ARHGAP17: variants seen among roughly 807,000 people sequenced by gnomAD.
ARHGAP17 encodes Rho GTPase activating protein 17, also known as rho GTPase-activating protein 17.
ARHGAP17 carries 57 observed loss-of-function variants against 99.5 expected under a neutral mutation model. The observed-to-expected ratio is 0.57, with a 90% confidence interval of 0.46 to 0.71. ARHGAP17 has a LOEUF of 0.71. Ranked by LOEUF, ARHGAP17 falls within the 30% of genes least tolerant of loss-of-function variation. The probability of loss-of-function intolerance (pLI) is 0.00; values close to 1 mark genes in which losing one functional copy is unlikely to be tolerated. For synonymous variants in ARHGAP17, 417 were observed against 429.6 expected (o/e 0.97, Z 0.36); for missense variants, 1,000 against 1,122.4 (o/e 0.89, Z 1.56).
intron 1 of ARHGAP17, among the ~76,000 whole-genome samples, chr16:24,983,733 T>C (rs2052772422): frequency 6.6e-6 from 1 of 152,240 alleles, no homozygotes. Context: ...TGTCTGCAAC[T>C]GGAAAAACAA....
At chr16:24,973,882 G>C (rs1393263965) in intron 3 of ARHGAP17, among the ~76,000 whole-genome samples, 1 of 152,234 alleles carries the variant, frequency 6.6e-6, no homozygotes, top group African/African-American at 2.4e-5. Flanking sequence ...ACAGGAACTA[G>C]ATAGAACTGT....
intron 16 of ARHGAP17, among the ~76,000 whole-genome samples, chr16:24,940,518 C>T (rs762753745): frequency 1.3e-4 from 20 of 152,126 alleles, no homozygotes; most frequent in Non-Finnish European, 2.6e-4. Flanking sequence ...CATCGTGAGG[C>T]CCTGTCTCTA....
intron 17 of ARHGAP17, among the ~76,000 whole-genome samples, chr16:24,938,213 A>C (rs2051195125): frequency 6.6e-6 from 1 of 152,104 alleles, no homozygotes; most frequent in Non-Finnish European, 1.5e-5. Context: ...AATACAAAAA[A>C]ATTAGCCTGG....
chr16:25,015,227 G>A lies in ARHGAP17; in HGVS notation c.35C>T (p.Ala12Val). The A allele has an allele frequency of 7.4e-7, 1 of 1,360,318 alleles. No individual in the cohort carries two copies. The allele number at this position is 1,360,318 out of a possible 1,614,324, so 84.3% of individuals were successfully genotyped here. ...KKQFNRMKQL[A>V]NQTVGRAEKT... is the part of the protein sequence containing the mutation. ...CACTCGCCTGCCCACGGTCTGGTTA[G>A]CCAGCTGCTTCATGCGGTTGAACTG... Residue 12 changes from alanine to valine, a missense_variant, in exon 1 of 20, where the codon GCT becomes GTT. Ala to Val is a moderately conservative substitution (Grantham distance 64). This residue lies in a region of ARHGAP17 where 472 missense variants were observed against 611.1 expected (regional missense o/e 0.77). Transcript: ENST00000289968.
rs545826557 is a variant in ARHGAP17 at position 24,988,789 on chromosome 16, G to A, written c.54-9784C>T. Among the ~76,000 whole-genome samples the A allele has an allele frequency of 6.6e-5, 10 of 152,220 alleles. No homozygotes were observed. The South Asian group carries it at 1.0e-3, about 16-fold the overall frequency. On this transcript the variant is annotated intron_variant, in intron 1 of 19. Transcript: ENST00000289968. Reference sequence around the variant, plus strand: ...TGGCCTGTCTCAAAGCTCCACCACCGATTCTTGCTTATAGCAAAATCTGAA... The same window carrying A: ...TGGCCTGTCTCAAAGCTCCACCACCAATTCTTGCTTATAGCAAAATCTGAA...
At chr16:25,006,918 G>T (rs749029754) in intron 1 of ARHGAP17, among the ~76,000 whole-genome samples, 117 of 152,194 alleles carry the variant, frequency 7.7e-4, no homozygotes, top group Non-Finnish European at 1.3e-3. Flanking sequence ...GCATAAAACT[G>T]TCACCATGAG....
chr16:25,005,085 T>C (rs1348786290), intron 1 of ARHGAP17, among the ~76,000 whole-genome samples: 1 of 152,146 alleles, frequency 6.6e-6, no homozygotes, highest in Non-Finnish European at 1.5e-5. Flanking sequence ...CCAGCTAATT[T>C]TCGTATTTTT....
chr16:24,939,583 A>T lies in ARHGAP17; in HGVS notation c.1505T>A (p.Leu502His). ...CCGCCGGTGGGCCTGGAAGTCCATAAGCTTCACACCAAAGCTACACAGAGA... is the reference window on the plus strand; with the variant it reads ...CCGCCGGTGGGCCTGGAAGTCCATATGCTTCACACCAAAGCTACACAGAGA... ...LVKKESFGVK[L>H]MDFQAHRRGG... Residue 502 changes from leucine (L) to histidine (H), a missense_variant, in exon 17 of 20, where the codon CTT becomes CAT. Leu to His is a moderately conservative substitution (Grantham distance 99). Transcript: ENST00000289968. The T allele has an allele frequency of 6.2e-7, 1 of 1,606,366 alleles. No individual in the cohort carries two copies. The highest frequency in any genetic ancestry group is 8.5e-7 in the Non-Finnish European group (1 of 1,177,150).
At chr16:24,938,781 A>G (rs1030597504) in intron 17 of ARHGAP17, among the ~76,000 whole-genome samples, 5 of 151,556 alleles carry the variant, frequency 3.3e-5, no homozygotes, top group East Asian at 1.9e-4. Flanking sequence ...CAGAAAAAAA[A>G]AAAAAAAAAA....
At chr16:25,010,288 G>A (rs2053610949) in intron 1 of ARHGAP17, among the ~76,000 whole-genome samples, 1 of 152,040 alleles carries the variant, frequency 6.6e-6, no homozygotes, top group East Asian at 1.9e-4. Flanking sequence ...TGCTCAGGCT[G>A]GTCTGAAATT....
At chr16:24,929,660 T>TC (rs1219219330) in intron 19 of ARHGAP17, 5 of 987,770 alleles carry the variant, frequency 5.1e-6, no homozygotes, top group Non-Finnish European at 6.0e-6. Flanking sequence ...AGGAAGGGCA[T>TC]CTATTGGGAA....
At chr16:24,980,095 G>A (rs113990705) in intron 1 of ARHGAP17, among the ~76,000 whole-genome samples, 29 of 152,288 alleles carry the variant, frequency 1.9e-4, no homozygotes, top group African/African-American at 6.0e-4. Context: ...TCAATGAACC[G>A]GAAATTCAGA....
intron 1 of ARHGAP17, among the ~76,000 whole-genome samples, chr16:25,011,861 T>G (rs1373473403): frequency 6.6e-6 from 1 of 152,178 alleles, no homozygotes; most frequent in East Asian, 1.9e-4. Flanking sequence ...AAGAGATATT[T>G]GAAATAAGGG....
At chr16:24,930,677 G>A (rs758577526) in intron 19 of ARHGAP17, 107 bp downstream of exon 19, 88 of 1,596,280 alleles carry the variant, frequency 5.5e-5, no homozygotes, top group African/African-American at 6.7e-5. Flanking sequence ...TTGGCTTGCG[G>A]GTGTAGTTTG....
intron 1 of ARHGAP17, among the ~76,000 whole-genome samples, chr16:24,983,943 T>C (rs2052778293): frequency 6.6e-6 from 1 of 152,174 alleles, no homozygotes; most frequent in African/African-American, 2.4e-5. Flanking sequence ...TAGTGCCACT[T>C]TCCCTTGACC....
rs752115837 is a variant in ARHGAP17 at position 24,935,627 on chromosome 16, C to T, written c.1737G>A (p.Pro579=). Residue 579 remains proline (P), a synonymous_variant, in exon 18 of 20, where the codon CCG becomes CCA. Transcript: ENST00000289968. The part of the protein sequence containing the change: ...PSPGDGSPPK[P]KDPVSAAVPA... ...GCACAGCTGCAGATACAGGGTCCTT[C>T]GGTTTGGGAGGACTAAGAGGAGTAA... is the stretch of plus-strand genomic sequence containing the variant. 2.5e-5 allele frequency: 41 copies of T among 1,613,820 alleles called. No individual in the cohort carries two copies. Among genetic ancestry groups the T allele is most frequent in the Admixed American group, 5.0e-5 (3 of 59,998 alleles).
intron 19 of ARHGAP17, among the ~76,000 whole-genome samples, chr16:24,929,348 T>C (rs1314117356): frequency 2.6e-5 from 4 of 152,054 alleles, no homozygotes; most frequent in Middle Eastern, 3.2e-3. Context: ...AAGAAGATAC[T>C]CTTCAAGAGC....
chr16:24,952,564 A>C (rs1239771506), intron 11 of ARHGAP17, among the ~76,000 whole-genome samples, 194 bp from the exon 12 acceptor site: 1 of 152,212 alleles, frequency 6.6e-6, no homozygotes, highest in Admixed American at 6.5e-5. Flanking sequence ...AAAAAGTTTT[A>C]AGAGATCAAT....
rs1267734598 is a variant in ARHGAP17, at chr16:25,015,320, G to A, written c.-59C>T. 8 of 1,254,032 alleles carry A rather than the reference G, an allele frequency of 6.4e-6. No homozygotes were observed. The Admixed American group carries it at 2.1e-4, about 33-fold the overall frequency. 77.7% of individuals were successfully genotyped at this position (1,254,032 alleles called of 1,614,324 possible). A position where few individuals can be genotyped will look rare whatever the true frequency, so the allele number is the denominator to read the frequency against. Reference sequence around the variant, plus strand: ...GGCCGGGCAGGGCGGGGGACAGCCTGGCAGCTACTACATCGCTTCCCGGCC... The same window carrying A: ...GGCCGGGCAGGGCGGGGGACAGCCTAGCAGCTACTACATCGCTTCCCGGCC... On this transcript the variant is annotated 5_prime_UTR_variant, in exon 1 of 20. Transcript: ENST00000289968.
Sources: allele counts gnomAD v4.1 joint callset (sites outside exome capture counted in the v4.1 genomes callset), GRCh38; gene constraint gnomAD v4.1.1; regional missense constraint gnomAD v4.1.1; transcripts MANE v1.5; gene names NCBI Gene and HGNC (gene_info 2026-07-23, HGNC 2026-07-21).